Variants in IRAK4 observed in about 807,000 individuals in gnomAD.
IRAK4 encodes interleukin-1 receptor-associated kinase 4.
IRAK4 carries 44 observed loss-of-function variants against 51.8 expected under a neutral mutation model. The observed-to-expected ratio is 0.85, with a 90% confidence interval of 0.67 to 1.09. IRAK4 has a LOEUF of 1.09. Ranked by LOEUF, IRAK4 falls within the 50% of genes least tolerant of loss-of-function variation. The pLI is 0.00. For missense variants in IRAK4, 487 were observed against 538.0 expected (o/e 0.91, Z 0.94); for synonymous variants, 149 against 174.1 (o/e 0.86, Z 1.13).
Position 43,786,966 on chromosome 12 carries a change from A to G in IRAK4, c.*251A>G, listed in dbSNP as rs1942263025. 2 of 517,762 alleles carry G rather than the reference A, an allele frequency of 3.9e-6. No individual in the cohort carries two copies. The allele number at this position is 517,762 out of a possible 1,614,324, so 32.1% of individuals were successfully genotyped here. A position where few individuals can be genotyped will look rare whatever the true frequency, so the allele number is the denominator to read the frequency against. On this transcript the variant is annotated 3_prime_UTR_variant, in exon 12 of 12. Transcript: ENST00000613694. ...TGAGAAATCTCCTTCAAGCATCACC[A>G]AACACAGTTTGAAAATTACAGGGTT...
rs1941989291 is a variant in IRAK4, at chr12:43,783,830, T to C, written c.1188+106T>C. 9 of 759,308 alleles carry C rather than the reference T, an allele frequency of 1.2e-5. No homozygotes were observed. In the South Asian group the frequency reaches 1.3e-4, roughly 11 times the overall value. The allele number at this position is 759,308 out of a possible 1,614,324, so 47.0% of individuals were successfully genotyped here. ...AAAATAACATTTTCTATTGGCAATC[T>C]TTCCATTGGCTATTACACGACAGCA... On this transcript the variant is annotated intron_variant, in intron 10 of 11. Coordinates refer to ENST00000613694, the MANE Select transcript of IRAK4 (RefSeq NM_016123.4).
At chr12:43,762,339 T>C (rs950395034) in intron 1 of IRAK4, among the ~76,000 whole-genome samples, 1 of 152,154 alleles carries the variant, frequency 6.6e-6, no homozygotes, top group Non-Finnish European at 1.5e-5. Flanking sequence ...AATTTATCCC[T>C]GGCCTTTAGA....
chr12:43,786,394 T>G lies in IRAK4; in HGVS notation c.1189-5T>G, dbSNP rs1942213909. 6.4e-7 allele frequency: 1 copy of G among 1,555,866 alleles called. No homozygotes were observed. Among genetic ancestry groups the G allele is most frequent in the Admixed American group, 1.8e-5 (1 of 56,314 alleles). ...GCTCTTAAAGTTTTAACACTCATTT[T>G]AAAGCTAGATATTAAAGAAGAAATT... On this transcript the variant is annotated splice_region_variant and splice_polypyrimidine_tract_variant and intron_variant, in intron 10 of 11. Coordinates refer to ENST00000613694, the MANE Select transcript of IRAK4 (RefSeq NM_016123.4).
chr12:43,766,658 A>G (rs1397704773), intron 1 of IRAK4, among the ~76,000 whole-genome samples: 2 of 152,228 alleles, frequency 1.3e-5, no homozygotes, highest in African/African-American at 2.4e-5. Flanking sequence ...GCAGAGTTGT[A>G]TGGCATGACT....
chr12:43,781,413 A>T (rs983334188), intron 8 of IRAK4, among the ~76,000 whole-genome samples: 1 of 152,192 alleles, frequency 6.6e-6, no homozygotes, highest in African/African-American at 2.4e-5. Context: ...TAAAATGCAA[A>T]TTATCTCCAT....
intron 2 of IRAK4, among the ~76,000 whole-genome samples, chr12:43,770,257 A>G (rs1336914067): frequency 6.6e-6 from 1 of 152,202 alleles, no homozygotes; most frequent in Non-Finnish European, 1.5e-5. Context: ...GTTAAGATCA[A>G]AGGAATAATT....
intron 8 of IRAK4, among the ~76,000 whole-genome samples, chr12:43,781,350 A>G (rs1334222610): frequency 6.6e-6 from 1 of 152,212 alleles, no homozygotes; most frequent in Non-Finnish European, 1.5e-5. Flanking sequence ...TAAGTCTAAT[A>G]ACATCAGTTT....
intron 6 of IRAK4, among the ~76,000 whole-genome samples, chr12:43,776,148 G>C (rs188946952): frequency 6.6e-6 from 1 of 151,980 alleles, no homozygotes; most frequent in African/African-American, 2.4e-5. Context: ...GGGAATACAG[G>C]CGTGAGTCAC....
rs1316972365 is a variant in IRAK4 at position 43,786,445 on chromosome 12, A to T, written c.1235A>T (p.Asp412Val). The T allele has an allele frequency of 6.2e-7, 1 of 1,607,568 alleles. No individual in the cohort carries two copies. The highest frequency in any genetic ancestry group is 1.3e-5 in the African/African-American group (1 of 74,596). Reference protein sequence around the residue: ...EIEDEEKTIEDYIDKKMNDAD... With the variant: ...EIEDEEKTIEVYIDKKMNDAD... The stretch of plus-strand genomic sequence containing the variant: ...GAAGATGAAGAAAAGACAATTGAAG[A>T]TTATATTGATAAAAAGATGAATGAT... The change falls in exon 11 of 12, where the codon GAT becomes GTT. Residue 412 changes from aspartate to valine, a missense_variant. Physicochemically the swap from Asp to Val is radical, Grantham distance 152. Coordinates refer to ENST00000613694, the MANE Select transcript of IRAK4 (RefSeq NM_016123.4).
intron 1 of IRAK4, 64 bp from the exon 2 acceptor site, chr12:43,768,039 T>C: frequency 2.5e-6 from 3 of 1,215,704 alleles, no homozygotes; most frequent in South Asian, 1.2e-5. Context: ...GTGTGATATA[T>C]AAGCTTACAG....
intron 8 of IRAK4, among the ~76,000 whole-genome samples, chr12:43,779,588 G>A (rs1426062183): frequency 6.6e-6 from 1 of 152,162 alleles, no homozygotes; most frequent in Non-Finnish European, 1.5e-5. Flanking sequence ...GGCAAAACTT[G>A]TTGATACCTT....
chr12:43,764,260 C>G (rs1366903515), intron 1 of IRAK4, among the ~76,000 whole-genome samples: 1 of 152,058 alleles, frequency 6.6e-6, no homozygotes, highest in Non-Finnish European at 1.5e-5. Flanking sequence ...CCCATCTCTA[C>G]CAAAAATACA....
At chr12:43,759,775 G>A (rs562537815) in intron 1 of IRAK4, among the ~76,000 whole-genome samples, 1 of 151,692 alleles carries the variant, frequency 6.6e-6, no homozygotes, top group African/African-American at 2.4e-5. Context: ...GGCTGAGGCA[G>A]GAGAATCGCT....
At chr12:43,775,874 CTTTTTTT>C (rs770553873) in intron 6 of IRAK4, among the ~76,000 whole-genome samples, 4 of 90,528 alleles carry the variant, frequency 4.4e-5, no homozygotes, top group African/African-American at 5.0e-5. Flanking sequence ...AATATCATTA[CTTTTTTT>C]TTTTTTTTTT....
chr12:43,784,331 G>A (rs965703624), intron 10 of IRAK4, among the ~76,000 whole-genome samples: 6 of 152,136 alleles, frequency 3.9e-5, no homozygotes, highest in African/African-American at 9.7e-5. Flanking sequence ...ACTTTGCAGC[G>A]GAAGTCAGCT....
intron 8 of IRAK4, 69 bp downstream of exon 8, chr12:43,778,371 C>T (rs926741209): frequency 2.6e-5 from 22 of 852,366 alleles, no homozygotes; most frequent in Admixed American, 1.8e-4. Context: ...ACTCTATTCA[C>T]GATTCATATG....
At position 43,787,682 on chromosome 12, in the gene IRAK4, G is replaced by A. The variant is rs542787354; in HGVS notation, c.*967G>A. On this transcript the variant is annotated 3_prime_UTR_variant, in exon 12 of 12. Transcript: ENST00000613694. ...ATAACCACAGCCTGGGCTGACACCTGGATTTCAGCTTTGCATGATCCTCAG... is the reference window on the plus strand; with the variant it reads ...ATAACCACAGCCTGGGCTGACACCTAGATTTCAGCTTTGCATGATCCTCAG... 6.6e-6 allele frequency: 1 copy of A among 152,356 alleles called. No homozygotes were observed. Among genetic ancestry groups the A allele is most frequent in the African/African-American group, 2.4e-5 (1 of 41,556 alleles). The allele number at this position is 152,356 out of a possible 1,614,324, so 9.4% of individuals were successfully genotyped here. A position where few individuals can be genotyped will look rare whatever the true frequency, so the allele number is the denominator to read the frequency against.
At chr12:43,759,448 T>C (rs4251423) in intron 1 of IRAK4, 1 of 152,280 alleles carries the variant, frequency 6.6e-6, no homozygotes, top group African/African-American at 2.4e-5. Flanking sequence ...TTCGCTTGTT[T>C]CTCCGGCCTC....
chr12:43,775,754 G>T (rs911928440), intron 6 of IRAK4, among the ~76,000 whole-genome samples: 1 of 151,650 alleles, frequency 6.6e-6, no homozygotes, highest in African/African-American at 2.4e-5. Context: ...AGGTAGGAAT[G>T]CATGAACTTT....
Sources: gnomAD v4.1 joint callset for allele counts (sites outside exome capture counted in the v4.1 genomes callset) on GRCh38, gnomAD v4.1.1 for gene constraint, MANE v1.5 for transcripts, NCBI Gene and HGNC (gene_info 2026-07-23, HGNC 2026-07-21) for gene names.